The following MORN4 variants were observed in gnomAD, a reference collection of about 807,000 sequenced individuals.
The protein encoded by MORN4 is MORN repeat-containing protein 4.
MORN4 carries 8 observed loss-of-function variants against 16.4 expected under a neutral mutation model. The observed-to-expected ratio is 0.49, with a 90% confidence interval of 0.29 to 0.88. The LOEUF is 0.88. MORN4 is among the 40% of genes least tolerant of loss of function. The probability of loss-of-function intolerance (pLI) is 0.09; values close to 1 mark genes in which losing one functional copy is unlikely to be tolerated. For missense variants in MORN4, 159 were observed against 182.9 expected (o/e 0.87, Z 0.75); for synonymous variants, 53 against 68.9 (o/e 0.77, Z 1.14).
At chr10:97,626,189 C>T (rs1465077738) in intron 1 of MORN4, among the ~76,000 whole-genome samples, 1 of 151,500 alleles carries the variant, frequency 6.6e-6, no homozygotes, top group South Asian at 2.1e-4. Context: ...CCAGCCTGGC[C>T]AACATGGTGA....
Position 97,616,695 on chromosome 10 carries a change from C to A in MORN4, c.275G>T (p.Gly92Val). 6.2e-7 allele frequency: 1 copy of A among 1,613,766 alleles called. No individual in the cohort carries two copies. The highest frequency in any genetic ancestry group is 1.1e-5 in the South Asian group (1 of 91,068). The change falls in exon 4 of 5, where the codon GGC becomes GTC. Residue 92 changes from glycine to valine, a missense_variant. Gly to Val is a moderately radical substitution (Grantham distance 109). Coordinates refer to ENST00000307450, the MANE Select transcript of MORN4 (RefSeq NM_178832.4). ...NMTFEGEFKNGRVDGFGLLTF... is the reference protein window; with the variant it reads ...NMTFEGEFKNVRVDGFGLLTF... ...CAACTTACCAAAACCATCTACTCTG[C>A]CATTTTTAAATTCCCCCTCAAAGGT...
intron 1 of MORN4, among the ~76,000 whole-genome samples, chr10:97,632,585 C>T (rs1294949875): frequency 1.3e-5 from 2 of 152,108 alleles, no homozygotes; most frequent in East Asian, 3.8e-4. Context: ...GTCTAACCTC[C>T]TCTTTCCTCA....
At chr10:97,629,925 A>ATTTT (rs35892196) in intron 1 of MORN4, among the ~76,000 whole-genome samples, 1 of 126,380 alleles carries the variant, frequency 7.9e-6, no homozygotes, top group Non-Finnish European at 1.6e-5. Context: ...CGCCCAGCTA[A>ATTTT]TTTTTTTTTT....
At chr10:97,618,553 C>A (rs138033830) in intron 2 of MORN4, among the ~76,000 whole-genome samples, 2 of 152,056 alleles carry the variant, frequency 1.3e-5, no homozygotes, top group South Asian at 2.1e-4. Context: ...CCCTTTAATG[C>A]GGACTGTTAG....
chr10:97,630,090 A>T (rs535645210), intron 1 of MORN4, among the ~76,000 whole-genome samples: 1 of 151,958 alleles, frequency 6.6e-6, no homozygotes, highest in East Asian at 1.9e-4. Context: ...ATGCCCAGCT[A>T]ATTTTTTTTT....
intron 1 of MORN4, among the ~76,000 whole-genome samples, chr10:97,621,372 T>C (rs186428333): frequency 6.6e-6 from 1 of 152,308 alleles, no homozygotes; most frequent in African/African-American, 2.4e-5. Context: ...AGAGGCGACC[T>C]CTGCGGGTTT....
chr10:97,623,594 G>T (rs2041322848), intron 1 of MORN4, among the ~76,000 whole-genome samples: 1 of 152,114 alleles, frequency 6.6e-6, no homozygotes, highest in African/African-American at 2.4e-5. Flanking sequence ...TTCTTTTAGA[G>T]ACAGGGTCTC....
Position 97,616,429 on chromosome 10 carries a change from A to T in MORN4, c.293-18T>A, listed in dbSNP as rs764983742. On this transcript the variant is annotated intron_variant, in intron 4 of 4. Transcript: ENST00000307450. ...CAGCAGGCCTTTGAGGAGGGCAGAG[A>T]AAATATGGGAGTGACAATGGCATTA... The T allele has an allele frequency of 7.6e-6, 12 of 1,581,308 alleles. No individual in the cohort carries two copies. The East Asian group carries it at 2.7e-4, about 36-fold the overall frequency.
chr10:97,629,538 A>T (rs1300790274), intron 1 of MORN4, among the ~76,000 whole-genome samples: 2 of 152,160 alleles, frequency 1.3e-5, no homozygotes, highest in Non-Finnish European at 2.9e-5. Flanking sequence ...CCACACAGAA[A>T]AGCCATATAT....
intron 3 of MORN4, 65 bp from the exon 4 acceptor site, chr10:97,616,852 C>T: frequency 8.9e-7 from 1 of 1,126,194 alleles, no homozygotes; most frequent in Non-Finnish European, 1.4e-6. Context: ...CGGAGTCGAG[C>T]AGCTGCTGAT....
rs1359241724 is a variant in MORN4, at chr10:97,619,670, A to T, written c.-17T>A. Reference sequence around the variant, plus strand: ...CAGGGTCATGGTGACAGATTACAGGATAAAAGGATGAAACTGTAGGAAATA... The same window carrying T: ...CAGGGTCATGGTGACAGATTACAGGTTAAAAGGATGAAACTGTAGGAAATA... On this transcript the variant is annotated 5_prime_UTR_variant, in exon 2 of 5. Transcript: ENST00000307450. 3.1e-6 allele frequency: 5 copies of T among 1,613,540 alleles called. No homozygotes were observed. The highest frequency in any genetic ancestry group is 3.4e-6 in the Non-Finnish European group (4 of 1,179,436).
Position 97,615,757 on chromosome 10 carries a change from A to AT in MORN4, c.*505_*506insA, listed in dbSNP as rs1413455874. The AT allele has an allele frequency of 3.3e-5, 5 of 151,562 alleles. No homozygotes were observed. Among genetic ancestry groups the AT allele is most frequent in the Non-Finnish European group, 5.9e-5 (4 of 67,938 alleles). The allele number at this position is 151,562 out of a possible 1,614,324, so 9.4% of individuals were successfully genotyped here. A position where few individuals can be genotyped will look rare whatever the true frequency, so the allele number is the denominator to read the frequency against. Reference sequence around the variant, plus strand: ...AAATAAAATAATAATAATAATAATAAAAAAATTAAAAAAGAAAAGCTCTGG... The same window carrying AT: ...AAATAAAATAATAATAATAATAATAATAAAAATTAAAAAAGAAAAGCTCTGG... On this transcript the variant is annotated 3_prime_UTR_variant, in exon 5 of 5. Coordinates refer to ENST00000307450, the MANE Select transcript of MORN4 (RefSeq NM_178832.4).
Position 97,632,234 on chromosome 10 carries a change from T to G in MORN4, c.-31+1113A>C, listed in dbSNP as rs1233343852. The stretch of plus-strand genomic sequence containing the variant: ...CCCCTTTTTTTTTTTTTTTTTTTTT[T>G]TTGAGACGGAGTCTTGCTCTGTCCC... On this transcript the variant is annotated intron_variant, in intron 1 of 4. Coordinates refer to ENST00000307450, the MANE Select transcript of MORN4 (RefSeq NM_178832.4). 8.6e-3 allele frequency among the ~76,000 whole-genome samples: 1,259 copies of G among 145,876 alleles called. 1 individual carries two copies. The highest frequency in any genetic ancestry group is 0.017 in the South Asian group (75 of 4,522).
chr10:97,627,705 T>C (rs1251995992), intron 1 of MORN4, among the ~76,000 whole-genome samples: 2 of 152,212 alleles, frequency 1.3e-5, no homozygotes, highest in African/African-American at 2.4e-5. Context: ...TTCTCCCTTC[T>C]TCAGTTATCA....
rs1434583044 is a variant in MORN4 at position 97,616,202 on chromosome 10, C to T, written c.*61G>A. 4.1e-6 allele frequency: 6 copies of T among 1,466,362 alleles called. No individual in the cohort carries two copies. Among genetic ancestry groups the T allele is most frequent in the African/African-American group, 2.8e-5 (2 of 70,456 alleles). 90.8% of individuals were successfully genotyped at this position (1,466,362 alleles called of 1,614,324 possible). A position where few individuals can be genotyped will look rare whatever the true frequency, so the allele number is the denominator to read the frequency against. On this transcript the variant is annotated 3_prime_UTR_variant, in exon 5 of 5. Coordinates refer to ENST00000307450, the MANE Select transcript of MORN4 (RefSeq NM_178832.4). ...TCAGCTCTGATTCATTTGTTCACCTCGAATCAACAACAGGGGCACTGGCTT... is the reference window on the plus strand; with the variant it reads ...TCAGCTCTGATTCATTTGTTCACCTTGAATCAACAACAGGGGCACTGGCTT...
intron 1 of MORN4, among the ~76,000 whole-genome samples, chr10:97,631,344 G>C (rs1424593146): frequency 6.6e-6 from 1 of 152,134 alleles, no homozygotes; most frequent in South Asian, 2.1e-4. Context: ...CAAAGGATCA[G>C]TCCAAACATT....
At chr10:97,628,672 T>A (rs1165540396) in intron 1 of MORN4, among the ~76,000 whole-genome samples, 1 of 152,160 alleles carries the variant, frequency 6.6e-6, no homozygotes, top group Non-Finnish European at 1.5e-5. Context: ...TAGCTGGGAT[T>A]ACAGGCGTGC....
At chr10:97,627,043 C>T (rs918373328) in intron 1 of MORN4, among the ~76,000 whole-genome samples, 1 of 151,224 alleles carries the variant, frequency 6.6e-6, no homozygotes, top group African/African-American at 2.4e-5. Context: ...AGGCATGAGT[C>T]ACTGTGCCCG....
intron 1 of MORN4, among the ~76,000 whole-genome samples, chr10:97,627,105 T>G (rs1488295983): frequency 6.6e-6 from 1 of 151,990 alleles, no homozygotes; most frequent in Non-Finnish European, 1.5e-5. Flanking sequence ...CTGGTGACTT[T>G]GCTGAGTAGC....
Sources: allele counts gnomAD v4.1 joint callset (sites outside exome capture counted in the v4.1 genomes callset), GRCh38; gene constraint gnomAD v4.1.1; transcripts MANE v1.5; gene names NCBI Gene and HGNC (gene_info 2026-07-23, HGNC 2026-07-21).